The following ZDHHC15 variants were observed in gnomAD, a reference collection of about 807,000 sequenced individuals.
The protein encoded by ZDHHC15 is palmitoyltransferase ZDHHC15.
Under a neutral mutation model 31.7 loss-of-function variants are expected in ZDHHC15, and 19 were observed. The observed-to-expected ratio is 0.60, with a 90% CI of 0.42 to 0.88. The LOEUF (loss-of-function observed/expected upper bound fraction) is 0.88. Among genes scored for constraint, ZDHHC15 ranks in the 40% least tolerant of loss-of-function variants. The pLI, the probability that ZDHHC15 is intolerant of heterozygous loss-of-function variation, is 0.00. For synonymous variants in ZDHHC15, 103 were observed against 90.0 expected (o/e 1.14, Z -0.82); for missense variants, 209 against 251.2 (o/e 0.83, Z 1.14).
At chrX:75,484,483 T>C (rs1352993713) in intron 2 of ZDHHC15, among the ~76,000 whole-genome samples, 1 of 111,810 alleles carries the variant, frequency 8.9e-6, no homozygotes, top group Non-Finnish European at 1.9e-5. Flanking sequence ...AAATTAAAAA[T>C]CACAAGGAGC....
intron 1 of ZDHHC15, among the ~76,000 whole-genome samples, chrX:75,508,025 T>C (rs2085194377): frequency 9.0e-6 from 1 of 111,441 alleles, no homozygotes; most frequent in Non-Finnish European, 1.9e-5. Context: ...CCAATAGATA[T>C]AATGTGAGCC....
At chrX:75,397,521 T>C (rs1424792882) in intron 10 of ZDHHC15, among the ~76,000 whole-genome samples, 1 of 86,253 alleles carries the variant, frequency 1.2e-5, no homozygotes, top group African/African-American at 3.8e-5. Context: ...ACACCTAGTA[T>C]GTACCCAGAA....
At chrX:75,415,904 C>A (rs891788050) in intron 10 of ZDHHC15, among the ~76,000 whole-genome samples, 5 of 111,885 alleles carry the variant, frequency 4.5e-5, no homozygotes, top group African/African-American at 1.6e-4. Flanking sequence ...TTATTTCAAA[C>A]CAGGTAAAGA....
intron 4 of ZDHHC15, among the ~76,000 whole-genome samples, chrX:75,439,693 T>A (rs2083911877): frequency 1.8e-5 from 2 of 112,298 alleles, no homozygotes; most frequent in Non-Finnish European, 3.8e-5. Context: ...TTGGTTTAGA[T>A]CCATTGCTTG....
chrX:75,478,707 C>T (rs2084643246), intron 3 of ZDHHC15, among the ~76,000 whole-genome samples, 184 bp downstream of exon 3: 1 of 111,611 alleles, frequency 9.0e-6, no homozygotes, highest in Admixed American at 9.6e-5. Flanking sequence ...ATATCCAGAG[C>T]TGGTGATTTC....
At chrX:75,422,895 G>A (rs1035844918) in intron 8 of ZDHHC15, among the ~76,000 whole-genome samples, 2 of 107,483 alleles carry the variant, frequency 1.9e-5, no homozygotes, top group Admixed American at 1.0e-4. Context: ...ATGCTGGTGT[G>A]CTGCACCCAC....
At chrX:75,441,432 T>C (rs1033185876) in intron 4 of ZDHHC15, among the ~76,000 whole-genome samples, 1 of 111,032 alleles carries the variant, frequency 9.0e-6, no homozygotes, top group African/African-American at 3.3e-5. Flanking sequence ...GAAGGTGAAA[T>C]CCTTTTCCCA....
chrX:75,388,179 C>A (rs1458266490), intron 10 of ZDHHC15, among the ~76,000 whole-genome samples: 1 of 112,185 alleles, frequency 8.9e-6, no homozygotes. Context: ...ACCAATCTTA[C>A]AAGAAATGGT....
intron 2 of ZDHHC15, among the ~76,000 whole-genome samples, chrX:75,489,588 T>C (rs906398169): frequency 4.5e-5 from 5 of 111,856 alleles, no homozygotes; most frequent in Admixed American, 1.9e-4. Context: ...AAAACCCATC[T>C]GTACATCACC....
rs35704680 is a variant in ZDHHC15 at position 75,373,926 on chromosome X, G to GTTTTTTTTTTTTTTTTT, written c.*33-998_*33-982dup. On this transcript the variant is annotated intron_variant, in intron 11 of 11. Transcript: ENST00000373367. ...ATACTAGGTCTTATTCATTCTTTCT[G>GTTTTTTTTTTTTTTTTT]TTTTTTTTTTTTTTTTTTTTTTGTA... 3.6e-4 allele frequency among the ~76,000 whole-genome samples: 18 copies of GTTTTTTTTTTTTTTTTT among 50,459 alleles called. 4 individuals carry two copies. Among genetic ancestry groups the GTTTTTTTTTTTTTTTTT allele is most frequent in the African/African-American group, 6.1e-4 (8 of 13,190 alleles). 43.8% of individuals were successfully genotyped at this position (50,459 alleles called of 115,157 possible).
chrX:75,467,435 C>T (rs895680589), intron 3 of ZDHHC15, among the ~76,000 whole-genome samples: 5 of 111,916 alleles, frequency 4.5e-5, no homozygotes, highest in Non-Finnish European at 7.5e-5. Flanking sequence ...CACTAACAAG[C>T]CTTATTGAAA....
intron 9 of ZDHHC15, among the ~76,000 whole-genome samples, chrX:75,420,047 T>C (rs1453110565): frequency 9.2e-6 from 1 of 108,487 alleles, no homozygotes; most frequent in Non-Finnish European, 1.9e-5. Flanking sequence ...CATGTATACA[T>C]ATGTAACAAA....
intron 3 of ZDHHC15, among the ~76,000 whole-genome samples, chrX:75,467,145 C>A (rs2084419703): frequency 1.8e-5 from 2 of 112,517 alleles, no homozygotes; most frequent in South Asian, 7.4e-4. Flanking sequence ...TGAAAAACAA[C>A]TGGTTATTTT....
chrX:75,485,683 T>C (rs1265661122), intron 2 of ZDHHC15, among the ~76,000 whole-genome samples: 1 of 111,213 alleles, frequency 9.0e-6, no homozygotes, highest in Non-Finnish European at 1.9e-5. Context: ...GATGTAGCTA[T>C]ATCAAAAGCG....
chrX:75,458,596 T>C (rs759246955), intron 3 of ZDHHC15, among the ~76,000 whole-genome samples: 4 of 111,497 alleles, frequency 3.6e-5, no homozygotes, highest in Non-Finnish European at 7.5e-5. Context: ...TGCGTTTTTA[T>C]GGTACTGTCA....
At chrX:75,437,135 C>T (rs1481110350) in intron 4 of ZDHHC15, among the ~76,000 whole-genome samples, 2 of 111,255 alleles carry the variant, frequency 1.8e-5, no homozygotes, top group East Asian at 5.7e-4. Flanking sequence ...CCCGCCCCGG[C>T]CACCCAAAGT....
chrX:75,520,104 C>G (rs1487331449), intron 1 of ZDHHC15, among the ~76,000 whole-genome samples: 1 of 111,755 alleles, frequency 8.9e-6, no homozygotes, highest in Non-Finnish European at 1.9e-5. Context: ...TCTGTCTGTT[C>G]CTCAGTTTAC....
intron 4 of ZDHHC15, 62 bp downstream of exon 4, chrX:75,450,740 T>G (rs201399600): frequency 1.4e-5 from 17 of 1,207,449 alleles, no homozygotes; most frequent in South Asian, 8.8e-5. Flanking sequence ...AGAACATATA[T>G]GACTTAGCCT....
chrX:75,413,152 T>C (rs2083504619), intron 10 of ZDHHC15, among the ~76,000 whole-genome samples: 1 of 112,405 alleles, frequency 8.9e-6, no homozygotes, highest in Non-Finnish European at 1.9e-5. Flanking sequence ...TATTTCAAAA[T>C]ATCATGTTGT....
Sources: allele counts gnomAD v4.1 joint callset (sites outside exome capture counted in the v4.1 genomes callset), GRCh38; gene constraint gnomAD v4.1.1; transcripts MANE v1.5; gene names NCBI Gene and HGNC (gene_info 2026-07-23, HGNC 2026-07-21).